Variants in PLXNA2 observed in about 807,000 individuals in gnomAD.
PLXNA2 encodes the protein plexin-A2.
In PLXNA2, 91 loss-of-function variants were observed where a neutral mutation model predicts 193.5. The observed-to-expected ratio is 0.47, with a 90% CI of 0.40 to 0.56. The LOEUF (loss-of-function observed/expected upper bound fraction) is 0.56. PLXNA2 is among the 20% of genes least tolerant of loss of function. PLXNA2 has a pLI of 0.00. For synonymous variants in PLXNA2, 997 were observed against 1,027.3 expected, an observed-to-expected ratio of 0.97 and a Z score of 0.56; for missense variants, 1,995 against 2,503.2, an observed-to-expected ratio of 0.80 and a Z score of 4.33.
intron 3 of PLXNA2, among the ~76,000 whole-genome samples, chr1:208,200,694 C>A (rs530792333): frequency 6.7e-6 from 1 of 149,484 alleles, no homozygotes; most frequent in Non-Finnish European, 1.5e-5. Context: ...CGGCTTCAAG[C>A]GATTCTCCTG....
At chr1:208,079,205 TCTTG>T in intron 12 of PLXNA2, 51 bp downstream of exon 12, 1 of 1,472,282 alleles carries the variant, frequency 6.8e-7, no homozygotes, top group African/African-American at 1.4e-5. Context: ...TCTCCCACTG[TCTTG>T]GGGTCAGCTC....
At chr1:208,045,354 G>T (rs748502869) in intron 18 of PLXNA2, 144 bp from the exon 19 acceptor site, 3 of 700,764 alleles carry the variant, frequency 4.3e-6, no homozygotes, top group Non-Finnish European at 7.3e-6. Context: ...TTGTGGAGGG[G>T]ACTTCTAACA....
At chr1:208,154,173 C>A (rs1668861746) in intron 3 of PLXNA2, among the ~76,000 whole-genome samples, 1 of 152,202 alleles carries the variant, frequency 6.6e-6, no homozygotes, top group Admixed American at 6.5e-5. Flanking sequence ...ATGCCCACCC[C>A]CTTTTTGTGC....
intron 28 of PLXNA2, chr1:208,032,066 A>G (rs995331941): frequency 5.1e-6 from 5 of 985,196 alleles, no homozygotes; most frequent in Non-Finnish European, 6.0e-6. Flanking sequence ...CGGGCTTCCC[A>G]TGGGTGAATG....
chr1:208,134,233 T>A (rs528713764), intron 4 of PLXNA2, among the ~76,000 whole-genome samples: 5 of 152,046 alleles, frequency 3.3e-5, no homozygotes, highest in Non-Finnish European at 7.4e-5. Flanking sequence ...AATATTTATT[T>A]AAAAAAAATA....
chr1:208,218,435 C>T (rs922262173), intron 1 of PLXNA2, among the ~76,000 whole-genome samples: 2 of 152,132 alleles, frequency 1.3e-5, no homozygotes, highest in South Asian at 2.1e-4. Context: ...GCAGGCCCTC[C>T]CCCAGGCTCT....
intron 3 of PLXNA2, among the ~76,000 whole-genome samples, chr1:208,201,530 G>A (rs553760802): frequency 5.9e-5 from 9 of 152,184 alleles, no homozygotes; most frequent in Non-Finnish European, 1.2e-4. Context: ...CTCTTCCTCC[G>A]TCTGACCTTG....
At chr1:208,137,729 T>A (rs1320157483) in intron 4 of PLXNA2, among the ~76,000 whole-genome samples, 1 of 152,224 alleles carries the variant, frequency 6.6e-6, no homozygotes, top group Non-Finnish European at 1.5e-5. Flanking sequence ...TGTTAGGCAG[T>A]GACACTAACG....
intron 26 of PLXNA2, among the ~76,000 whole-genome samples, chr1:208,034,796 T>A (rs555296118): frequency 6.6e-6 from 1 of 152,222 alleles, no homozygotes; most frequent in Non-Finnish European, 1.5e-5. Context: ...CTACTTGCCA[T>A]GTGTGTGGAT....
intron 17 of PLXNA2, among the ~76,000 whole-genome samples, chr1:208,048,164 C>T (rs1393557292): frequency 6.6e-6 from 1 of 152,188 alleles, no homozygotes; most frequent in East Asian, 1.9e-4. Flanking sequence ...CAAGAGGCCT[C>T]TGGACGCTGC....
chr1:208,041,141 CT>C (rs1174053175), intron 22 of PLXNA2, among the ~76,000 whole-genome samples: 4 of 152,202 alleles, frequency 2.6e-5, no homozygotes, highest in African/African-American at 9.7e-5. Context: ...TACAACAGTT[CT>C]TAATGAGAGT....
chr1:208,043,018 C>T, intron 21 of PLXNA2, 43 bp downstream of exon 21: 1 of 1,606,634 alleles, frequency 6.2e-7, no homozygotes, highest in Non-Finnish European at 8.5e-7. Context: ...TACCCTGGGC[C>T]TGCATCCCTG....
intron 1 of PLXNA2, among the ~76,000 whole-genome samples, chr1:208,242,332 C>T (rs1329903479): frequency 6.6e-6 from 1 of 152,102 alleles, no homozygotes; most frequent in Non-Finnish European, 1.5e-5. Context: ...AGCCTCCAGC[C>T]CAGGCCAGCC....
chr1:208,229,125 A>G (rs953138149), intron 1 of PLXNA2, among the ~76,000 whole-genome samples: 2 of 152,140 alleles, frequency 1.3e-5, no homozygotes, highest in African/African-American at 2.4e-5. Context: ...GCCTCAGTAC[A>G]CAGGCTAAAT....
chr1:208,084,244 T>C (rs1309237538), intron 10 of PLXNA2, 136 bp downstream of exon 10: 12 of 886,286 alleles, frequency 1.4e-5, no homozygotes, highest in Non-Finnish European at 2.1e-5. Flanking sequence ...GCTGGCTGGC[T>C]CCTGCATCCC....
chr1:208,121,967 G>A (rs1667819310), intron 4 of PLXNA2, among the ~76,000 whole-genome samples: 1 of 152,062 alleles, frequency 6.6e-6, no homozygotes, highest in Non-Finnish European at 1.5e-5. Flanking sequence ...TCATGGACAG[G>A]CAGGCCCACC....
intron 1 of PLXNA2, among the ~76,000 whole-genome samples, chr1:208,228,118 T>C (rs1671569161): frequency 6.6e-6 from 1 of 152,110 alleles, no homozygotes; most frequent in Admixed American, 6.5e-5. Flanking sequence ...TTTTTCTTCT[T>C]GAAGAAAAAT....
intron 9 of PLXNA2, among the ~76,000 whole-genome samples, chr1:208,092,413 C>A (rs979325922): frequency 8.5e-5 from 13 of 152,200 alleles, no homozygotes; most frequent in Non-Finnish European, 1.8e-4. Flanking sequence ...TTGAACTAGA[C>A]TATGTCTGCA....
In PLXNA2 at chr1:208,025,413, G is replaced by C. The variant is rs1340496245; in HGVS notation, c.*1830C>G. On this transcript the variant is annotated 3_prime_UTR_variant, in exon 32 of 32. Coordinates refer to ENST00000367033, the MANE Select transcript of PLXNA2 (RefSeq NM_025179.4). ...GTTAATAACAGAGAAAATGACCCTG[G>C]TCTAGTCTCTCTTGGAGGAGCTGGT... is the stretch of plus-strand genomic sequence containing the variant. 1 of 152,234 alleles carries C rather than the reference G, an allele frequency of 6.6e-6. No homozygotes were observed. Among genetic ancestry groups the C allele is most frequent in the African/African-American group, 2.4e-5 (1 of 41,448 alleles). The allele number at this position is 152,234 out of a possible 1,614,324, so 9.4% of individuals were successfully genotyped here.
Sources: allele counts gnomAD v4.1 joint callset (sites outside exome capture counted in the v4.1 genomes callset), GRCh38; gene constraint gnomAD v4.1.1; transcripts MANE v1.5; gene names NCBI Gene and HGNC (gene_info 2026-07-23, HGNC 2026-07-21).